SLC25A33: variants seen among roughly 807,000 people sequenced by gnomAD.
The protein encoded by SLC25A33 is bone marrow stromal cell mitochondrial carrier protein.
A neutral mutation model predicts 35.5 loss-of-function variants in SLC25A33; 15 were observed. The ratio of observed to expected loss-of-function variants is 0.42; its 90% CI spans 0.28 to 0.65. The LOEUF is 0.65. Ranked by LOEUF, SLC25A33 falls within the 30% of genes least tolerant of loss-of-function variation. The pLI is 0.20. For synonymous variants in SLC25A33, 136 were observed against 148.7 expected (o/e 0.91, Z 0.62); for missense variants, 257 against 398.5 (o/e 0.64, Z 3.02).
intron 2 of SLC25A33, among the ~76,000 whole-genome samples, chr1:9,557,458 C>G (rs1410244821): frequency 6.6e-6 from 1 of 152,036 alleles, no homozygotes; most frequent in African/African-American, 2.4e-5. Context: ...CTTTGAAGGG[C>G]CAATGCAAAT....
chr1:9,569,806 T>C (rs1369462434), intron 3 of SLC25A33, among the ~76,000 whole-genome samples: 2 of 152,050 alleles, frequency 1.3e-5, no homozygotes, highest in Non-Finnish European at 2.9e-5. Context: ...AACACAGGTA[T>C]GATATGATGG....
At chr1:9,542,381 G>C (rs1046122749) in intron 1 of SLC25A33, among the ~76,000 whole-genome samples, 1 of 152,100 alleles carries the variant, frequency 6.6e-6, no homozygotes, top group Non-Finnish European at 1.5e-5. Context: ...ACAAGTTTCC[G>C]TTCCTGTCTT....
In SLC25A33 at chr1:9,584,231, A is replaced by G. The variant is rs186887978; in HGVS notation, c.*1730A>G. ...CAGGTTTACTTGCAGACACCCTGGT[A>G]GGGTTAAGAGGAGGATATTTCCAAG... is the stretch of plus-strand genomic sequence containing the variant. On this transcript the variant is annotated 3_prime_UTR_variant, in exon 7 of 7. Coordinates refer to ENST00000302692, the MANE Select transcript of SLC25A33 (RefSeq NM_032315.3). The G allele has an allele frequency of 2.0e-5, 3 of 152,172 alleles. No individual in the cohort carries two copies. In the East Asian group the frequency reaches 5.8e-4, roughly 29 times the overall value. The allele number at this position is 152,172 out of a possible 1,614,324, so 9.4% of individuals were successfully genotyped here.
At chr1:9,577,803 T>C (rs1643683454) in intron 5 of SLC25A33, among the ~76,000 whole-genome samples, 1 of 152,170 alleles carries the variant, frequency 6.6e-6, no homozygotes. Context: ...GTGTTTTTGG[T>C]GCCTAGTGTG....
At chr1:9,577,998 C>T (rs775061925) in intron 5 of SLC25A33, among the ~76,000 whole-genome samples, 5 of 152,166 alleles carry the variant, frequency 3.3e-5, no homozygotes, top group Non-Finnish European at 5.9e-5. Context: ...TCTCAGCTCA[C>T]TGCGAGCTCC....
At chr1:9,574,385 C>T (rs1252430941) in intron 5 of SLC25A33, among the ~76,000 whole-genome samples, 1 of 152,176 alleles carries the variant, frequency 6.6e-6, no homozygotes, top group Non-Finnish European at 1.5e-5. Context: ...ACCACCACAC[C>T]AGGCCTTAAT....
chr1:9,582,477 C>T lies in SLC25A33; in HGVS notation c.942C>T (p.Tyr314=), dbSNP rs983654647. 4.3e-6 allele frequency: 7 copies of T among 1,613,486 alleles called. No homozygotes were observed. Among genetic ancestry groups the T allele is most frequent in the African/African-American group, 2.7e-5 (2 of 74,996 alleles). ...IVLSTYELIV[Y]LLEDRTQ The stretch of plus-strand genomic sequence containing the variant: ...TGTCTACTTATGAGTTAATTGTGTA[C>T]CTGTTAGAAGACCGTACTCAGTAAC... Residue 314 remains tyrosine (Y), a synonymous_variant, in exon 7 of 7, where the codon TAC becomes TAT. Coordinates refer to ENST00000302692, the MANE Select transcript of SLC25A33 (RefSeq NM_032315.3). This position sits in a 1 kb window ranked among gnomAD's most constrained non-coding sequence, Gnocchi z 4.0.
intron 2 of SLC25A33, among the ~76,000 whole-genome samples, chr1:9,559,945 A>G (rs1157856759): frequency 1.3e-5 from 2 of 152,174 alleles, no homozygotes; most frequent in African/African-American, 4.8e-5. Context: ...TTTGGAAGAC[A>G]CTTTGTTATT....
intron 6 of SLC25A33, among the ~76,000 whole-genome samples, chr1:9,580,868 T>A (rs576070988): frequency 0.042 from 4,190 of 99,074 alleles, 132 homozygotes; most frequent in African/African-American, 0.12. Flanking sequence ...AAAAAAAAAA[T>A]AATAATAATA....
rs149047690 is a variant in SLC25A33, at chr1:9,582,490, C to A, written c.955C>A (p.Arg319Ser). Residue 319 changes from arginine (R) to serine (S), a missense_variant, in exon 7 of 7, where the codon CGT becomes AGT. By Grantham distance (110) the Arg-to-Ser change is moderately radical (BLOSUM62 -1). Coordinates refer to ENST00000302692, the MANE Select transcript of SLC25A33 (RefSeq NM_032315.3). This position sits in a 1 kb window ranked among gnomAD's most constrained non-coding sequence, Gnocchi z 4.0. ...YELIVYLLED[R>S]TQ is the part of the protein sequence containing the mutation. ...GTTAATTGTGTACCTGTTAGAAGAC[C>A]GTACTCAGTAACAGGCCGGAAAATT... The A allele has an allele frequency of 8.1e-6, 13 of 1,612,086 alleles. No individual in the cohort carries two copies. Among genetic ancestry groups the A allele is most frequent in the Non-Finnish European group, 1.1e-5 (13 of 1,178,956 alleles).
intron 2 of SLC25A33, among the ~76,000 whole-genome samples, chr1:9,555,857 G>A (rs1569852852): frequency 6.6e-6 from 1 of 152,124 alleles, no homozygotes; most frequent in South Asian, 2.1e-4. Flanking sequence ...GCTAATTTTT[G>A]TATTTTTGGT....
At chr1:9,544,659 G>A (rs1326381749) in intron 1 of SLC25A33, among the ~76,000 whole-genome samples, 4 of 152,190 alleles carry the variant, frequency 2.6e-5, no homozygotes, top group Admixed American at 2.6e-4. Flanking sequence ...AGAGGTAGCA[G>A]GTGAAATGGC....
chr1:9,573,264 A>C, intron 4 of SLC25A33, 82 bp from the exon 5 acceptor site: 1 of 1,005,392 alleles, frequency 9.9e-7, no homozygotes, highest in South Asian at 1.7e-5. Flanking sequence ...CCCTATTTCA[A>C]AGTTTATTAT....
In SLC25A33 at chr1:9,579,916, T is replaced by C. The variant is rs181408223; in HGVS notation, c.483-38T>C. 29 of 1,586,464 alleles carry C rather than the reference T, an allele frequency of 1.8e-5. No homozygotes were observed. In the Admixed American group the frequency reaches 2.7e-4, roughly 15 times the overall value. ...GTGATGTCTGTGTTCCACCATGATATGTCTCCTTAACAGCCTGTGTTGGTC... is the reference window on the plus strand; with the variant it reads ...GTGATGTCTGTGTTCCACCATGATACGTCTCCTTAACAGCCTGTGTTGGTC... On this transcript the variant is annotated intron_variant, in intron 5 of 6. Transcript: ENST00000302692.
At chr1:9,555,318 C>T (rs1160469301) in intron 2 of SLC25A33, among the ~76,000 whole-genome samples, 3 of 151,768 alleles carry the variant, frequency 2.0e-5, no homozygotes, top group African/African-American at 4.8e-5. Context: ...CGGGGTTTCA[C>T]CATGTTAGCC....
At chr1:9,555,398 G>C (rs1235062859) in intron 2 of SLC25A33, among the ~76,000 whole-genome samples, 1 of 152,042 alleles carries the variant, frequency 6.6e-6, no homozygotes. Flanking sequence ...GATTACAGGC[G>C]TGAGCCACCG....
chr1:9,549,336 G>T (rs1336108705), intron 1 of SLC25A33, among the ~76,000 whole-genome samples: 1 of 137,900 alleles, frequency 7.3e-6, no homozygotes, highest in Non-Finnish European at 1.6e-5. Flanking sequence ...CAATGGGGGG[G>T]ATGAACTGTT....
chr1:9,567,356 A>G lies in SLC25A33; in HGVS notation c.309A>G (p.Pro103=), dbSNP rs762265928. 17 of 1,613,628 alleles carry G rather than the reference A, an allele frequency of 1.1e-5. No homozygotes were observed. The South Asian group carries it at 1.8e-4, about 17-fold the overall frequency. Residue 103 remains proline (P), a synonymous_variant, in exon 3 of 7, where the codon CCA becomes CCG. Transcript: ENST00000302692. ...GTCCAAATTTGGTTGGAGTTGCACC[A>G]TCAAGGTAAGCATTAAACTTTCCAG... ...GLGPNLVGVA[P]SRAVYFACYS... is the part of the protein sequence containing the mutation.
chr1:9,554,348 A>T (rs1260406779), intron 2 of SLC25A33, among the ~76,000 whole-genome samples: 3 of 149,840 alleles, frequency 2.0e-5, no homozygotes, highest in African/African-American at 4.9e-5. Flanking sequence ...TTTAAAAGAA[A>T]CAAAATGTTT....
Sources: allele counts gnomAD v4.1 joint callset (sites outside exome capture counted in the v4.1 genomes callset), GRCh38; gene constraint gnomAD v4.1.1; non-coding constraint Gnocchi (gnomAD v3.1); transcripts MANE v1.5; gene names NCBI Gene and HGNC (gene_info 2026-07-23, HGNC 2026-07-21).